DSCAM: variants seen among roughly 807,000 people sequenced by gnomAD.
DSCAM encodes the protein cell adhesion molecule DSCAM.
A neutral mutation model predicts 217.7 loss-of-function variants in DSCAM; 47 were observed. That is an observed-to-expected ratio of 0.22 (90% CI 0.17 to 0.28). The LOEUF (loss-of-function observed/expected upper bound fraction) is 0.28. Ranked by LOEUF, DSCAM falls within the 10% of genes least tolerant of loss-of-function variation. The pLI, the probability that DSCAM is intolerant of heterozygous loss-of-function variation, is 1.00. For missense variants in DSCAM, 2,080 were observed against 2,618.3 expected (o/e 0.79, Z 4.49); for synonymous variants, 1,056 against 1,015.3 (o/e 1.04, Z -0.76).
At chr21:40,579,005 CAAT>C (rs370982354) in intron 3 of DSCAM, among the ~76,000 whole-genome samples, 221 of 152,210 alleles carry the variant, frequency 1.5e-3, no homozygotes, top group African/African-American at 4.9e-3. Flanking sequence ...AACAAAACAA[CAAT>C]ATGCATTGTG....
At chr21:40,373,889 T>C (rs1450869704) in intron 3 of DSCAM, among the ~76,000 whole-genome samples, 1 of 152,210 alleles carries the variant, frequency 6.6e-6, no homozygotes, top group Non-Finnish European at 1.5e-5. Flanking sequence ...TTTCTTCATC[T>C]AGAAAAAAGA....
intron 1 of DSCAM, among the ~76,000 whole-genome samples, chr21:40,774,084 A>G (rs2091468468): frequency 1.3e-5 from 2 of 152,198 alleles, no homozygotes; most frequent in South Asian, 2.1e-4. Context: ...ACCAGAAGGG[A>G]GCTTCCAGAG....
At position 40,082,510 on chromosome 21, in the gene DSCAM, G is replaced by A. The variant is rs764676935; in HGVS notation, c.4231+1398C>T. ...CATTAGACAGTGATAATTGTGACTC[G>A]TACAATTTGTGCTGTGCATCTGCAG... On this transcript the variant is annotated intron_variant, in intron 24 of 32. Coordinates refer to ENST00000400454, the MANE Select transcript of DSCAM (RefSeq NM_001389.5). Among the ~76,000 whole-genome samples, 10 of 148,576 alleles carry A rather than the reference G, an allele frequency of 6.7e-5. No homozygotes were observed. In the South Asian group the frequency reaches 2.2e-3, roughly 33 times the overall value.
chr21:40,078,572 C>T, intron 26 of DSCAM, 115 bp downstream of exon 26: 1 of 1,377,262 alleles, frequency 7.3e-7, no homozygotes, highest in South Asian at 1.4e-5. Context: ...GCCTAATGGG[C>T]TCCGTGGGCA....
chr21:40,228,643 C>CTTT (rs566256586), intron 11 of DSCAM, among the ~76,000 whole-genome samples: 23 of 134,788 alleles, frequency 1.7e-4, no homozygotes, highest in African/African-American at 5.4e-4. Context: ...CACCTCTTTT[C>CTTT]TTTTTTTTTT....
intron 3 of DSCAM, among the ~76,000 whole-genome samples, chr21:40,495,291 G>A (rs1269226397): frequency 6.6e-6 from 1 of 152,030 alleles, no homozygotes; most frequent in African/African-American, 2.4e-5. Context: ...TTGCAGGCCC[G>A]TATCCTAGCA....
intron 1 of DSCAM, among the ~76,000 whole-genome samples, chr21:40,779,445 C>A (rs1300805394): frequency 6.6e-6 from 1 of 152,146 alleles, no homozygotes; most frequent in Non-Finnish European, 1.5e-5. Context: ...CCCTTCAATG[C>A]TGTTACACAT....
intron 3 of DSCAM, among the ~76,000 whole-genome samples, chr21:40,375,183 T>A (rs1362946530): frequency 2.6e-5 from 4 of 152,322 alleles, no homozygotes; most frequent in South Asian, 2.1e-4. Flanking sequence ...CCTGAATCCA[T>A]CCACTTTCCT....
chr21:40,559,235 G>A (rs1322738170), intron 3 of DSCAM, among the ~76,000 whole-genome samples: 1 of 151,920 alleles, frequency 6.6e-6, no homozygotes, highest in African/African-American at 2.4e-5. Flanking sequence ...GAGGCGGGAG[G>A]ATCACGAGGG....
intron 6 of DSCAM, among the ~76,000 whole-genome samples, chr21:40,341,243 G>A (rs1483876103): frequency 1.3e-5 from 2 of 152,176 alleles, no homozygotes; most frequent in Non-Finnish European, 2.9e-5. Context: ...ATTTTACAGA[G>A]AAGTTAGATG....
chr21:40,333,352 A>G (rs1056950900), intron 8 of DSCAM, among the ~76,000 whole-genome samples: 2 of 152,210 alleles, frequency 1.3e-5, no homozygotes, highest in Admixed American at 1.3e-4. Context: ...TTTCATTTAA[A>G]AACATTTTAC....
At chr21:40,092,615 A>G (rs1035899648) in intron 21 of DSCAM, among the ~76,000 whole-genome samples, 3 of 152,226 alleles carry the variant, frequency 2.0e-5, no homozygotes, top group Non-Finnish European at 4.4e-5. Context: ...AAGGAAAGGA[A>G]GAAACATTAT....
chr21:40,528,261 A>G (rs1568880155), intron 3 of DSCAM, among the ~76,000 whole-genome samples: 1 of 152,144 alleles, frequency 6.6e-6, no homozygotes, highest in Admixed American at 6.5e-5. Context: ...TGTGGCTCAA[A>G]TAAGGCATAA....
intron 30 of DSCAM, among the ~76,000 whole-genome samples, chr21:40,048,474 C>T (rs1258821579): frequency 6.6e-6 from 1 of 152,154 alleles, no homozygotes; most frequent in Non-Finnish European, 1.5e-5. Context: ...GATGTGTTTT[C>T]ACTACTGACA....
At chr21:40,658,044 T>C (rs1027185172) in intron 3 of DSCAM, among the ~76,000 whole-genome samples, 1 of 152,158 alleles carries the variant, frequency 6.6e-6, no homozygotes, top group East Asian at 1.9e-4. Context: ...TATTGAGGTA[T>C]TAATAGAGCT....
chr21:40,291,980 G>A (rs1164619434), intron 10 of DSCAM, among the ~76,000 whole-genome samples: 1 of 152,138 alleles, frequency 6.6e-6, no homozygotes, highest in Non-Finnish European at 1.5e-5. Flanking sequence ...TCCAGTATAA[G>A]TGACATACAT....
chr21:40,559,127 T>C (rs2076695465), intron 3 of DSCAM, among the ~76,000 whole-genome samples: 1 of 151,986 alleles, frequency 6.6e-6, no homozygotes, highest in South Asian at 2.1e-4. Context: ...TAAAATAAAA[T>C]AAAACCATGA....
rs2074146238 is a variant in DSCAM at position 40,312,183 on chromosome 21, A to G, written c.1960T>C (p.Leu654=). The change falls in exon 9 of 33, where the codon TTG becomes CTG. Residue 654 remains leucine, a synonymous_variant. Coordinates refer to ENST00000400454, the MANE Select transcript of DSCAM (RefSeq NM_001389.5). ...TIDNIDFTSS[L]RISNLSLMHN... The stretch of plus-strand genomic sequence containing the variant: ...ATGAGCGAGAGATTGGAAATCCTCA[A>G]GGAGCTCGTGAAGTCAATATTGTCA... The G allele has an allele frequency of 6.2e-7, 1 of 1,613,958 alleles. No individual in the cohort carries two copies. The highest frequency in any genetic ancestry group is 1.7e-5 in the Admixed American group (1 of 59,990).
chr21:40,615,327 T>C (rs1286920432), intron 3 of DSCAM: 1 of 150,284 alleles, frequency 6.7e-6, no homozygotes, highest in Admixed American at 6.6e-5. Context: ...GATGGGAATA[T>C]TATATACCAA....
Sources: allele counts gnomAD v4.1 joint callset (sites outside exome capture counted in the v4.1 genomes callset), GRCh38; gene constraint gnomAD v4.1.1; transcripts MANE v1.5; gene names NCBI Gene and HGNC (gene_info 2026-07-23, HGNC 2026-07-21).